TBC1D32: variants seen among roughly 807,000 people sequenced by gnomAD.
TBC1D32 encodes TBC1 domain family member 32, also known as protein broad-minded.
Under a neutral mutation model 170.3 loss-of-function variants are expected in TBC1D32, and 151 were observed. The observed-to-expected ratio is 0.89, with a 90% confidence interval of 0.78 to 1.01. TBC1D32 has a LOEUF of 1.01. Among genes scored for constraint, TBC1D32 ranks in the 50% least tolerant of loss-of-function variants. The pLI is 0.00. For synonymous variants in TBC1D32, 498 were observed against 488.0 expected (o/e 1.02, Z -0.27); for missense variants, 1,464 against 1,457.1 (o/e 1.00, Z -0.08).
chr6:121,290,377 C>G (rs1242787238), intron 12 of TBC1D32, among the ~76,000 whole-genome samples: 1 of 152,106 alleles, frequency 6.6e-6, no homozygotes, highest in Non-Finnish European at 1.5e-5. Context: ...GACATTTATG[C>G]AGCCAAAAGA....
At chr6:121,318,888 G>C (rs541595676) in intron 2 of TBC1D32, among the ~76,000 whole-genome samples, 1 of 150,958 alleles carries the variant, frequency 6.6e-6, no homozygotes, top group Non-Finnish European at 1.5e-5. Context: ...TGAATAATGC[G>C]TCATTGCAAC....
At chr6:121,310,873 AT>A in intron 3 of TBC1D32, 26 bp from the exon 4 acceptor site, 1 of 1,282,334 alleles carries the variant, frequency 7.8e-7, no homozygotes, top group Non-Finnish European at 1.1e-6. Flanking sequence ...CAGGACATTC[AT>A]TTATTTAGAA....
chr6:121,123,012 G>A (rs563649053), intron 26 of TBC1D32, among the ~76,000 whole-genome samples: 10 of 152,150 alleles, frequency 6.6e-5, no homozygotes, highest in Non-Finnish European at 1.3e-4. Context: ...ACATGTCAAA[G>A]ATCACTCTGA....
At chr6:121,311,341 T>G (rs1007885096) in intron 3 of TBC1D32, among the ~76,000 whole-genome samples, 3 of 152,312 alleles carry the variant, frequency 2.0e-5, no homozygotes, top group African/African-American at 7.2e-5. Flanking sequence ...AAGTTTATAG[T>G]AGATTATAAG....
intron 21 of TBC1D32, among the ~76,000 whole-genome samples, chr6:121,205,467 C>G (rs1386377427): frequency 6.6e-6 from 1 of 152,180 alleles, no homozygotes; most frequent in Admixed American, 6.5e-5. Context: ...TGACCCTACT[C>G]TGGCACTAGT....
chr6:121,206,706 A>G (rs1043837925), intron 21 of TBC1D32, among the ~76,000 whole-genome samples: 1 of 152,166 alleles, frequency 6.6e-6, no homozygotes, highest in African/African-American at 2.4e-5. Flanking sequence ...CTAGCATGAG[A>G]GTTTAAATTG....
intron 9 of TBC1D32, among the ~76,000 whole-genome samples, chr6:121,301,493 C>T (rs1401613375): frequency 1.3e-5 from 2 of 152,014 alleles, no homozygotes; most frequent in Non-Finnish European, 2.9e-5. Flanking sequence ...GCAATGAAAA[C>T]ACATGGACAC....
intron 30 of TBC1D32, among the ~76,000 whole-genome samples, chr6:121,099,708 C>A (rs1034796254): frequency 5.3e-5 from 8 of 151,768 alleles, no homozygotes; most frequent in African/African-American, 7.3e-5. Context: ...TAAATAATAT[C>A]AACAGAGCAA....
intron 19 of TBC1D32, among the ~76,000 whole-genome samples, chr6:121,241,179 C>T (rs1282784668): frequency 6.6e-6 from 1 of 152,052 alleles, no homozygotes; most frequent in Non-Finnish European, 1.5e-5. Flanking sequence ...AAGGAAGATT[C>T]TTAAAGCATT....
At chr6:121,150,491 TG>T (rs1784070824) in intron 24 of TBC1D32, among the ~76,000 whole-genome samples, 2 of 152,232 alleles carry the variant, frequency 1.3e-5, no homozygotes, top group Non-Finnish European at 2.9e-5. Flanking sequence ...TGCCAGGTTT[TG>T]GTATCAGGAT....
intron 17 of TBC1D32, among the ~76,000 whole-genome samples, chr6:121,243,763 CAAAAT>C (rs912717827): frequency 6.2e-5 from 9 of 145,582 alleles, no homozygotes; most frequent in African/African-American, 2.0e-4. Context: ...TAAAAGTCAA[CAAAAT>C]AAAATAGTAA....
chr6:121,328,350 A>T (rs1810731389), intron 1 of TBC1D32, among the ~76,000 whole-genome samples: 2 of 151,834 alleles, frequency 1.3e-5, no homozygotes, highest in African/African-American at 4.8e-5. Context: ...CAGTGACGCG[A>T]TCTCGGCTCT....
intron 16 of TBC1D32, 120 bp from the exon 17 acceptor site, chr6:121,255,530 T>TAATTATATTTTATAATTATATTTTTTA (rs1280529108): frequency 4.1e-6 from 1 of 241,908 alleles, no homozygotes; most frequent in East Asian, 1.2e-4. Context: ...TTTATATTTC[T>TAATTATATTTTATAATTATATTTTTTA]TACTGATAGC....
chr6:121,270,265 A>G (rs935036814), intron 15 of TBC1D32, among the ~76,000 whole-genome samples: 4 of 152,166 alleles, frequency 2.6e-5, no homozygotes, highest in Non-Finnish European at 4.4e-5. Flanking sequence ...CTAAGATCAG[A>G]GCAGAACTGA....
chr6:121,252,497 C>G (rs142759792), intron 17 of TBC1D32, among the ~76,000 whole-genome samples: 69 of 152,252 alleles, frequency 4.5e-4, no homozygotes, highest in African/African-American at 1.6e-3. Context: ...CATGTTCTCA[C>G]TCATAAGTAG....
At chr6:121,270,762 G>C (rs1251980265) in intron 15 of TBC1D32, among the ~76,000 whole-genome samples, 1 of 152,154 alleles carries the variant, frequency 6.6e-6, no homozygotes, top group Non-Finnish European at 1.5e-5. Context: ...CTCATTTTAT[G>C]AGGCCAGCAT....
Position 121,322,886 on chromosome 6 carries a change from A to G in TBC1D32, c.156-1092T>C, listed in dbSNP as rs369946573. Reference sequence around the variant, plus strand: ...TGTTTTAGTTGTTAATTCCTTGTTCATGTAATGTCTATTAGCAAATTTCTG... The same window carrying G: ...TGTTTTAGTTGTTAATTCCTTGTTCGTGTAATGTCTATTAGCAAATTTCTG... On this transcript the variant is annotated intron_variant, in intron 1 of 31. Coordinates refer to ENST00000398212, the MANE Select transcript of TBC1D32 (RefSeq NM_152730.6). Among the ~76,000 whole-genome samples the G allele has an allele frequency of 2.6e-5, 4 of 152,136 alleles. No individual in the cohort carries two copies. The East Asian group carries it at 5.8e-4, about 22-fold the overall frequency.
intron 21 of TBC1D32, among the ~76,000 whole-genome samples, chr6:121,209,708 C>G (rs970102784): frequency 6.6e-6 from 1 of 152,218 alleles, no homozygotes; most frequent in African/African-American, 2.4e-5. Context: ...TGCAGGCAGT[C>G]TGGCTTCAGA....
At chr6:121,178,316 T>C (rs1788041132) in intron 22 of TBC1D32, among the ~76,000 whole-genome samples, 1 of 152,112 alleles carries the variant, frequency 6.6e-6, no homozygotes, top group Non-Finnish European at 1.5e-5. Context: ...GATTTTGTTA[T>C]GGTGACATGA....
Sources: gnomAD v4.1 joint callset for allele counts (sites outside exome capture counted in the v4.1 genomes callset) on GRCh38, gnomAD v4.1.1 for gene constraint, MANE v1.5 for transcripts, NCBI Gene and HGNC (gene_info 2026-07-23, HGNC 2026-07-21) for gene names.